TANC2: variants seen among roughly 807,000 people sequenced by gnomAD.
TANC2 encodes the protein protein TANC2.
In TANC2, 26 loss-of-function variants were observed where a neutral mutation model predicts 210.5. The ratio of observed to expected loss-of-function variants is 0.12; its 90% confidence interval spans 0.09 to 0.17. The LOEUF (loss-of-function observed/expected upper bound fraction) is 0.17, where lower values mean the gene tolerates loss of function less well. Among genes scored for constraint, TANC2 ranks in the 10% least tolerant of loss-of-function variants. TANC2 has a pLI of 1.00. For missense variants in TANC2, 2,129 were observed against 2,608.9 expected, an observed-to-expected ratio of 0.82 and a Z score of 4.01; for synonymous variants, 931 against 967.1, an observed-to-expected ratio of 0.96 and a Z score of 0.69.
chr17:63,419,885 G>C, intron 27 of TANC2, 114 bp from the exon 28 acceptor site: 1 of 1,247,444 alleles, frequency 8.0e-7, no homozygotes, highest in East Asian at 2.6e-5. Context: ...AAATACCCCA[G>C]ACTCCCACAG....
At chr17:63,348,003 A>G (rs1357252004) in intron 12 of TANC2, among the ~76,000 whole-genome samples, 1 of 152,188 alleles carries the variant, frequency 6.6e-6, no homozygotes, top group East Asian at 1.9e-4. Context: ...CCTGGACTCA[A>G]GCAGTCCTCC....
intron 2 of TANC2, among the ~76,000 whole-genome samples, chr17:63,040,592 G>C (rs1377793701): frequency 2.0e-5 from 3 of 152,088 alleles, no homozygotes; most frequent in African/African-American, 7.2e-5. Context: ...TCATCTATGG[G>C]ATGCCTTTGA....
Position 63,220,333 on chromosome 17 carries a change from C to T in TANC2, c.770-17481C>T, listed in dbSNP as rs144834993. 1.7e-4 allele frequency among the ~76,000 whole-genome samples: 26 copies of T among 151,286 alleles called. No homozygotes were observed. The East Asian group carries it at 5.1e-3, about 29-fold the overall frequency. ...AAGTCCAAAAATAGACCCACACATA[C>T]ACTAGCAACTCATTTTTGACAAAGG... On this transcript the variant is annotated intron_variant, in intron 7 of 27. Coordinates refer to ENST00000689528, the Ensembl canonical transcript of TANC2.
chr17:63,399,896 G>T (rs1185491852), intron 19 of TANC2, among the ~76,000 whole-genome samples: 1 of 152,060 alleles, frequency 6.6e-6, no homozygotes, highest in Non-Finnish European at 1.5e-5. Flanking sequence ...TTTGCTTCTC[G>T]AATAATCCCT....
At chr17:63,112,729 G>A (rs565340611) in intron 4 of TANC2, among the ~76,000 whole-genome samples, 6 of 152,292 alleles carry the variant, frequency 3.9e-5, no homozygotes, top group African/African-American at 1.4e-4. Context: ...AGCACTTCTT[G>A]TGACAAACAA....
intron 5 of TANC2, among the ~76,000 whole-genome samples, chr17:63,167,852 T>C (rs1160472568): frequency 3.4e-5 from 4 of 118,048 alleles, no homozygotes; most frequent in Non-Finnish European, 6.4e-5. Context: ...ACCACTGCAC[T>C]GCAGCCTGGG....
chr17:63,207,890 T>G (rs1023870256), intron 7 of TANC2, among the ~76,000 whole-genome samples: 6 of 152,346 alleles, frequency 3.9e-5, no homozygotes, highest in Middle Eastern at 3.4e-3. Context: ...TTCCCATGTT[T>G]GATATTGTCA....
At chr17:63,270,164 A>G (rs2043655443) in intron 9 of TANC2, among the ~76,000 whole-genome samples, 2 of 152,186 alleles carry the variant, frequency 1.3e-5, no homozygotes, top group Admixed American at 1.3e-4. Flanking sequence ...AATAACTTTA[A>G]TTCAGAATTT....
chr17:63,319,335 G>T (rs976354355), intron 11 of TANC2, among the ~76,000 whole-genome samples: 1 of 152,132 alleles, frequency 6.6e-6, no homozygotes, highest in African/African-American at 2.4e-5. Context: ...AGTTGAGACC[G>T]AAGTGGGTTA....
In TANC2 at chr17:62,970,312, A is replaced by C. The variant is rs543302726; in HGVS notation, c.-24+3563A>C. Among the ~76,000 whole-genome samples the C allele has an allele frequency of 4.6e-5, 7 of 152,306 alleles. No individual in the cohort carries two copies. The South Asian group carries it at 1.2e-3, about 27-fold the overall frequency. On this transcript the variant is annotated intron_variant, in intron 1 of 27. Transcript: ENST00000689528. ...TAATATATTTAATAAATTGTCATAC[A>C]CTCAGACTATGCTTTGTATTTGTAT...
intron 1 of TANC2, among the ~76,000 whole-genome samples, chr17:63,008,244 T>G (rs1439293227): frequency 6.6e-6 from 1 of 152,206 alleles, no homozygotes; most frequent in African/African-American, 2.4e-5. Context: ...GTTAGACAAT[T>G]CTTGGTTGCT....
At chr17:63,386,080 G>T (rs141311964) in intron 15 of TANC2, among the ~76,000 whole-genome samples, 65 of 152,268 alleles carry the variant, frequency 4.3e-4, no homozygotes, top group South Asian at 2.9e-3. Flanking sequence ...TCAAAATGTC[G>T]CAAAATATAT....
At chr17:63,014,529 TG>T (rs2034018910) in intron 2 of TANC2, among the ~76,000 whole-genome samples, 1 of 152,176 alleles carries the variant, frequency 6.6e-6, no homozygotes, top group African/African-American at 2.4e-5. Context: ...TTATTGATGT[TG>T]TTTTGATTAT....
intron 2 of TANC2, among the ~76,000 whole-genome samples, chr17:63,017,267 A>G (rs539328847): frequency 2.0e-5 from 3 of 152,334 alleles, no homozygotes; most frequent in African/African-American, 7.2e-5. Context: ...GGTTCATAAC[A>G]GAAAGGATGA....
intron 3 of TANC2, among the ~76,000 whole-genome samples, chr17:63,097,262 G>A (rs577750392): frequency 6.6e-6 from 1 of 152,132 alleles, no homozygotes; most frequent in East Asian, 1.9e-4. Context: ...GCCCAGGCTG[G>A]TCTCAAACTT....
chr17:63,234,210 C>A (rs2146026907), intron 7 of TANC2, among the ~76,000 whole-genome samples: 1 of 152,280 alleles, frequency 6.6e-6, no homozygotes, highest in South Asian at 2.1e-4. Flanking sequence ...AAAGCCTTTT[C>A]CACATTAAGA....
intron 2 of TANC2, among the ~76,000 whole-genome samples, chr17:63,053,506 A>G (rs1027401301): frequency 6.6e-5 from 10 of 152,094 alleles, no homozygotes; most frequent in Admixed American, 3.9e-4. Flanking sequence ...CAGCCTCTAC[A>G]TGTTCGATTC....
At chr17:63,075,956 G>A (rs2036557936) in intron 3 of TANC2, among the ~76,000 whole-genome samples, 1 of 152,126 alleles carries the variant, frequency 6.6e-6, no homozygotes, top group East Asian at 1.9e-4. Flanking sequence ...AGGATTGGAA[G>A]GAGAAAGTAT....
intron 4 of TANC2, among the ~76,000 whole-genome samples, chr17:63,139,252 A>G (rs1246231888): frequency 3.9e-5 from 6 of 152,210 alleles, no homozygotes; most frequent in African/African-American, 1.4e-4. Context: ...ACACCAACTT[A>G]AATGCACTTG....
Sources: allele counts gnomAD v4.1 joint callset (sites outside exome capture counted in the v4.1 genomes callset), GRCh38; gene constraint gnomAD v4.1.1; transcripts MANE v1.5; gene names NCBI Gene and HGNC (gene_info 2026-07-23, HGNC 2026-07-21).